HCN4: variants seen among roughly 807,000 people sequenced by gnomAD.
The protein encoded by HCN4 is potassium/sodium hyperpolarization-activated cyclic nucleotide-gated channel 4.
A neutral mutation model predicts 76.9 loss-of-function variants in HCN4; 29 were observed. The ratio of observed to expected loss-of-function variants is 0.38; its 90% CI spans 0.28 to 0.51. The LOEUF is 0.51. Ranked by LOEUF, HCN4 falls within the 20% of genes least tolerant of loss-of-function variation. The pLI, the probability that HCN4 is intolerant of heterozygous loss-of-function variation, is 0.90. For missense variants in HCN4, 1,416 were observed against 1,715.2 expected (o/e 0.83, Z 3.08); for synonymous variants, 772 against 762.5 (o/e 1.01, Z -0.21).
chr15:73,330,299 G>A (rs2042925450), intron 3 of HCN4, among the ~76,000 whole-genome samples: 1 of 152,204 alleles, frequency 6.6e-6, no homozygotes, highest in African/African-American at 2.4e-5. Context: ...TTAAAGCTGT[G>A]AGCTAACGGG....
chr15:73,342,060 T>A (rs2151220784), intron 2 of HCN4, among the ~76,000 whole-genome samples: 1 of 152,240 alleles, frequency 6.6e-6, no homozygotes, highest in African/African-American at 2.4e-5. Flanking sequence ...GTGGCAGGGA[T>A]CCAAGGTGGG....
intron 2 of HCN4, among the ~76,000 whole-genome samples, chr15:73,335,037 C>T (rs565059084): frequency 1.3e-4 from 19 of 151,986 alleles, no homozygotes; most frequent in Middle Eastern, 3.4e-3. Context: ...AGAAGGCGGC[C>T]GTCTACAAGT....
At chr15:73,329,933 A>C (rs992036856) in intron 3 of HCN4, 142 bp from the exon 4 acceptor site, 11 of 692,494 alleles carry the variant, frequency 1.6e-5, no homozygotes, top group Non-Finnish European at 2.5e-5. Context: ...CTGTTGGCTG[A>C]AAGCCTTGGG....
In HCN4 at chr15:73,341,298, G is replaced by A. The variant is rs937542697; in HGVS notation, c.1209+2087C>T. Reference sequence around the variant, plus strand: ...TGGGATTACAGGCGCCCACCACCACGCCTGGCTAATTTTTTGTATTTTTAG... The same window carrying A: ...TGGGATTACAGGCGCCCACCACCACACCTGGCTAATTTTTTGTATTTTTAG... On this transcript the variant is annotated intron_variant, in intron 2 of 7. Transcript: ENST00000261917. Among the ~76,000 whole-genome samples the A allele has an allele frequency of 5.3e-5, 8 of 151,702 alleles. No homozygotes were observed. In the East Asian group the frequency reaches 5.8e-4, roughly 11 times the overall value.
At chr15:73,354,084 G>A (rs374973568) in intron 1 of HCN4, among the ~76,000 whole-genome samples, 19 of 152,302 alleles carry the variant, frequency 1.2e-4, no homozygotes, top group African/African-American at 3.1e-4. Flanking sequence ...GACACAGTCC[G>A]ATTTAGAGCC....
rs2043138072 is a variant in HCN4, at chr15:73,368,088, G to C, written c.183C>G (p.Ala61=). 6.7e-7 allele frequency: 1 copy of C among 1,493,008 alleles called. No homozygotes were observed. Among genetic ancestry groups the C allele is most frequent in the South Asian group, 1.3e-5 (1 of 79,770 alleles). 92.5% of individuals were successfully genotyped at this position (1,493,008 alleles called of 1,614,324 possible). Residue 61 remains alanine, a synonymous_variant, in exon 1 of 8, where the codon GCC becomes GCG. Transcript: ENST00000261917. The surrounding 1 kb of genome is among the most constrained non-coding windows in gnomAD (Gnocchi z 6.9). ...AGCTCCGGGACTCCGTGCCACCCGC[G>C]GCCGCCGAGGGGGAGGGCGAGGGCA... ...RPLPSPSPSA[A]AGGTESRSSA...
chr15:73,348,918 A>G (rs764772923), intron 1 of HCN4, among the ~76,000 whole-genome samples: 2 of 152,204 alleles, frequency 1.3e-5, no homozygotes, highest in African/African-American at 2.4e-5. Context: ...CCTACAGCCA[A>G]CGACTCCAGA....
chr15:73,332,648 A>G (rs2042939933), intron 2 of HCN4, among the ~76,000 whole-genome samples: 1 of 152,202 alleles, frequency 6.6e-6, no homozygotes, highest in Admixed American at 6.5e-5. Context: ...TGAGGATACC[A>G]GGGAGAAAAG....
intron 1 of HCN4, among the ~76,000 whole-genome samples, chr15:73,348,751 G>T (rs2043039929): frequency 6.6e-6 from 1 of 152,150 alleles, no homozygotes; most frequent in Non-Finnish European, 1.5e-5. Context: ...TGTAGCCCGT[G>T]GGTCTCCACG....
chr15:73,322,818 G>A lies in HCN4; in HGVS notation c.3275C>T (p.Ala1092Val). 1 of 1,531,878 alleles carries A rather than the reference G, an allele frequency of 6.5e-7. No individual in the cohort carries two copies. The allele number at this position is 1,531,878 out of a possible 1,614,324, so 94.9% of individuals were successfully genotyped here. ...DLKLISASQP[A>V]LPQDGAQTLR... is the part of the protein sequence containing the mutation. The stretch of plus-strand genomic sequence containing the variant: ...AGTCTGCGCCCCGTCCTGAGGCAGG[G>A]CTGGCTGAGACGCGGAGATGAGCTT... Residue 1092 changes from alanine (A) to valine (V), a missense_variant, in exon 8 of 8, where the codon GCC (alanine) becomes GTC (valine). By Grantham distance (64) the Ala-to-Val change is moderately conservative. Around this residue, in one of 6 missense-constraint regions of HCN4, gnomAD observed 633 missense variants for 579.8 expected, o/e 1.09. Coordinates refer to ENST00000261917, the MANE Select transcript of HCN4 (RefSeq NM_005477.3).
chr15:73,353,512 CAG>C (rs1196990695), intron 1 of HCN4, among the ~76,000 whole-genome samples: 1 of 152,202 alleles, frequency 6.6e-6, no homozygotes, highest in Non-Finnish European at 1.5e-5. Flanking sequence ...GTCCATGACA[CAG>C]ACACGTGACA....
At chr15:73,366,255 G>A (rs1291632316) in intron 1 of HCN4, among the ~76,000 whole-genome samples, 3 of 152,146 alleles carry the variant, frequency 2.0e-5, no homozygotes, top group Admixed American at 6.5e-5. Flanking sequence ...TTCCCAGTGC[G>A]AGAAATCTCT....
chr15:73,368,424 G>C lies in HCN4; in HGVS notation c.-154C>G. ...AGGCGCCCATGCTTGGGCAGGCTGCGCGCCGCGGGGAGGATCCTAGTCCCG... is the reference window on the plus strand; with the variant it reads ...AGGCGCCCATGCTTGGGCAGGCTGCCCGCCGCGGGGAGGATCCTAGTCCCG... On this transcript the variant is annotated 5_prime_UTR_variant, in exon 1 of 8. Transcript: ENST00000261917. The surrounding 1 kb of genome is among the most constrained non-coding windows in gnomAD (Gnocchi z 6.9). 1 of 449,646 alleles carries C rather than the reference G, an allele frequency of 2.2e-6. No individual in the cohort carries two copies. The highest frequency in any genetic ancestry group is 3.7e-6 in the Non-Finnish European group (1 of 270,700). 27.9% of individuals were successfully genotyped at this position (449,646 alleles called of 1,614,324 possible).
chr15:73,357,632 C>G (rs192332083), intron 1 of HCN4, among the ~76,000 whole-genome samples: 2 of 152,050 alleles, frequency 1.3e-5, no homozygotes, highest in Admixed American at 1.3e-4. Flanking sequence ...CATCACTTCC[C>G]GGGAAGGATG....
intron 1 of HCN4, among the ~76,000 whole-genome samples, chr15:73,346,094 C>T (rs1366822063): frequency 6.6e-6 from 1 of 152,214 alleles, no homozygotes; most frequent in African/African-American, 2.4e-5. Flanking sequence ...CTTCCAGATG[C>T]TCAGGGATAT....
chr15:73,323,064 G>A lies in HCN4; in HGVS notation c.3029C>T (p.Ala1010Val). The change falls in exon 8 of 8, where the codon GCC becomes GTC. Residue 1010 changes from alanine to valine, a missense_variant. This residue lies in a region of HCN4 where 633 missense variants were observed against 579.8 expected (regional missense o/e 1.09). Transcript: ENST00000261917. The stretch of plus-strand genomic sequence containing the variant: ...GCCTACAGGGGAAGCCCCCCCAGAG[G>A]CCCCTGCCACAAGGGACGGCGGCTC... ...QPEPPSLVAG[A>V]SGGASPVGFT... 1 of 1,540,130 alleles carries A rather than the reference G, an allele frequency of 6.5e-7. No homozygotes were observed. The highest frequency in any genetic ancestry group is 8.7e-7 in the Non-Finnish European group (1 of 1,149,524).
rs1046773143 is a variant in HCN4, at chr15:73,357,227, G to A, written c.785+10259C>T. Among the ~76,000 whole-genome samples the A allele has an allele frequency of 1.2e-4, 19 of 152,274 alleles. 1 individual carries two copies. The highest frequency in any genetic ancestry group is 3.4e-3 in the Middle Eastern group (1 of 294). On this transcript the variant is annotated intron_variant, in intron 1 of 7. Transcript: ENST00000261917. ...CAAGACTCAGAGAGGTGAGGCCTCA[G>A]TTAAGTCCACACAGCTGGGCAGCAC... is the stretch of plus-strand genomic sequence containing the variant.
chr15:73,320,093 C>G lies in HCN4; in HGVS notation c.*2388G>C, dbSNP rs1231386776. 1.3e-5 allele frequency: 2 copies of G among 152,232 alleles called. No homozygotes were observed. Among genetic ancestry groups the G allele is most frequent in the Non-Finnish European group, 2.9e-5 (2 of 68,150 alleles). 9.4% of individuals were successfully genotyped at this position (152,232 alleles called of 1,614,324 possible). A position where few individuals can be genotyped will look rare whatever the true frequency, so the allele number is the denominator to read the frequency against. The stretch of plus-strand genomic sequence containing the variant: ...AGGCCAGGCTCTGATGGCAAGGGGG[C>G]TCCTCATGGCCCTGGACCCTCCACC... On this transcript the variant is annotated 3_prime_UTR_variant, in exon 8 of 8. Transcript: ENST00000261917.
chr15:73,326,458 C>T (rs2042900036), intron 4 of HCN4, among the ~76,000 whole-genome samples: 1 of 152,162 alleles, frequency 6.6e-6, no homozygotes, highest in South Asian at 2.1e-4. Context: ...GACTTCCTGG[C>T]TGGTTACAGA....
Sources: allele counts gnomAD v4.1 joint callset (sites outside exome capture counted in the v4.1 genomes callset), GRCh38; gene constraint gnomAD v4.1.1; regional missense constraint gnomAD v4.1.1; non-coding constraint Gnocchi (gnomAD v3.1); transcripts MANE v1.5; gene names NCBI Gene and HGNC (gene_info 2026-07-23, HGNC 2026-07-21).